The following PUDP variants were observed in gnomAD, a reference collection of about 807,000 sequenced individuals.
PUDP encodes the protein pseudouridine-5'-phosphatase.
In PUDP, 8 loss-of-function variants were observed where a neutral mutation model predicts 9.4. The observed-to-expected ratio is 0.85, with a 90% confidence interval of 0.50 to 1.53. The LOEUF is 1.53. Among genes scored for constraint, PUDP ranks in the 40% most tolerant of loss-of-function variants. The pLI, the probability that PUDP is intolerant of heterozygous loss-of-function variation, is 0.00. For missense variants in PUDP, 188 were observed against 189.7 expected (o/e 0.99, Z 0.05); for synonymous variants, 99 against 80.7 (o/e 1.23, Z -1.22).
intron 3 of PUDP, among the ~76,000 whole-genome samples, chrX:6,960,261 T>C (rs915155997): frequency 4.4e-5 from 5 of 112,741 alleles, no homozygotes; most frequent in Non-Finnish European, 9.4e-5. Flanking sequence ...TCTCAATGTA[T>C]TACAATAGTG....
intron 3 of PUDP, among the ~76,000 whole-genome samples, chrX:6,877,701 CA>C (rs1927285766): frequency 8.9e-6 from 1 of 111,735 alleles, no homozygotes; most frequent in Non-Finnish European, 1.9e-5. Context: ...CCAATGGCTG[CA>C]AAACTGTGAC....
At chrX:6,713,738 G>A (rs1924562108) in intron 1 of PUDP, among the ~76,000 whole-genome samples, 2 of 110,681 alleles carry the variant, frequency 1.8e-5, no homozygotes, top group African/African-American at 6.6e-5. Context: ...CAGGGCATAG[G>A]GTGTGGTCTG....
intron 3 of PUDP, among the ~76,000 whole-genome samples, chrX:6,821,746 G>A (rs1456159208): frequency 1.8e-5 from 2 of 112,346 alleles, no homozygotes; most frequent in African/African-American, 3.2e-5. Context: ...CAAGCTGCAA[G>A]TTTGCATGGG....
intron 1 of PUDP, among the ~76,000 whole-genome samples, chrX:6,710,451 C>T (rs1924518632): frequency 1.8e-5 from 2 of 111,615 alleles, no homozygotes; most frequent in African/African-American, 6.5e-5. Context: ...GTCTTGAAAG[C>T]AAGCCTCACT....
chrX:6,921,027 C>A (rs775872808), intron 3 of PUDP, among the ~76,000 whole-genome samples: 6 of 110,547 alleles, frequency 5.4e-5, no homozygotes, highest in Admixed American at 9.7e-5. Flanking sequence ...CCTCCTTGTT[C>A]CTCAGTAGCA....
intron 1 of PUDP, among the ~76,000 whole-genome samples, chrX:7,143,190 A>G (rs1359147961): frequency 9.9e-5 from 11 of 110,571 alleles, no homozygotes; most frequent in Non-Finnish European, 1.7e-4. Flanking sequence ...TACATTTTTT[A>G]GACATAATGC....
At chrX:6,965,897 C>T (rs1489617332) in intron 3 of PUDP, among the ~76,000 whole-genome samples, 3 of 111,518 alleles carry the variant, frequency 2.7e-5, no homozygotes, top group Admixed American at 9.6e-5. Context: ...AGTTCAAAGT[C>T]GACTCCAAAC....
intron 3 of PUDP, among the ~76,000 whole-genome samples, chrX:6,849,810 T>A (rs1212221547): frequency 9.0e-6 from 1 of 111,603 alleles, no homozygotes; most frequent in Non-Finnish European, 1.9e-5. Flanking sequence ...TCACTGCATA[T>A]AGGACAAACT....
chrX:6,949,273 T>G (rs1176498170), intron 3 of PUDP, among the ~76,000 whole-genome samples: 1 of 111,879 alleles, frequency 8.9e-6, no homozygotes, highest in Admixed American at 9.5e-5. Flanking sequence ...TTATGAAAAC[T>G]TTATTAAATG....
intron 1 of PUDP, among the ~76,000 whole-genome samples, chrX:7,009,005 AAAGT>A (rs1191800191): frequency 8.9e-6 from 1 of 112,538 alleles, no homozygotes; most frequent in Non-Finnish European, 1.9e-5. Context: ...AGGAGTACTT[AAAGT>A]AATAAAACAA....
intron 3 of PUDP, chrX:7,057,605 G>A (rs1930278218): frequency 9.1e-7 from 1 of 1,097,602 alleles, no homozygotes; most frequent in Non-Finnish European, 1.2e-6. Flanking sequence ...TGGCAGGAAG[G>A]AGAGGTAGCT....
intron 3 of PUDP, among the ~76,000 whole-genome samples, chrX:6,937,006 T>G (rs1393011846): frequency 2.9e-5 from 3 of 102,613 alleles, no homozygotes; most frequent in Non-Finnish European, 5.9e-5. Flanking sequence ...GGAAGAACAT[T>G]CCATGCTCAT....
chrX:6,992,519 G>A (rs1031527263), intron 1 of PUDP, among the ~76,000 whole-genome samples: 4 of 108,851 alleles, frequency 3.7e-5, no homozygotes, highest in East Asian at 5.8e-4. Context: ...TGATCCACCC[G>A]CCTCGGCCTC....
intron 3 of PUDP, among the ~76,000 whole-genome samples, chrX:6,894,823 G>A (rs897143564): frequency 3.6e-5 from 4 of 111,891 alleles, no homozygotes; most frequent in Non-Finnish European, 7.5e-5. Flanking sequence ...CCCTGAAAAG[G>A]ATGCATGGGT....
chrX:7,133,673 AAG>A (rs1255974555), intron 1 of PUDP, among the ~76,000 whole-genome samples: 1 of 111,762 alleles, frequency 8.9e-6, no homozygotes, highest in Non-Finnish European at 1.9e-5. Flanking sequence ...CTTGGCTGAG[AAG>A]AGAGGCAGAA....
chrX:7,006,733 G>A (rs764070645), intron 1 of PUDP, among the ~76,000 whole-genome samples: 3 of 111,323 alleles, frequency 2.7e-5, no homozygotes, highest in Non-Finnish European at 3.8e-5. Context: ...AAGGGTCCAG[G>A]AGCAAGAACA....
At chrX:6,848,895 T>A (rs758864255) in intron 3 of PUDP, among the ~76,000 whole-genome samples, 1 of 112,333 alleles carries the variant, frequency 8.9e-6, no homozygotes, top group Non-Finnish European at 1.9e-5. Flanking sequence ...CCAGCTTTCT[T>A]TGTAAATTAC....
intron 3 of PUDP, among the ~76,000 whole-genome samples, chrX:6,813,888 A>G (rs1926184660): frequency 8.9e-6 from 1 of 111,866 alleles, no homozygotes; most frequent in Non-Finnish European, 1.9e-5. Context: ...GGCCAGCCCT[A>G]TGCTAGACTT....
chrX:7,072,813 C>CAAAAAA (rs774767127), intron 3 of PUDP, among the ~76,000 whole-genome samples: 1 of 33,018 alleles, frequency 3.0e-5, no homozygotes, highest in Non-Finnish European at 5.9e-5. Context: ...GACTGTGTCT[C>CAAAAAA]AAAAAAAAAA....
Sources: gnomAD v4.1 joint callset for allele counts (sites outside exome capture counted in the v4.1 genomes callset) on GRCh38, gnomAD v4.1.1 for gene constraint, MANE v1.5 for transcripts, NCBI Gene and HGNC (gene_info 2026-07-23, HGNC 2026-07-21) for gene names.